Variants in TMEM245 observed in about 807,000 individuals in gnomAD.
TMEM245 encodes protein CG-2.
Under a neutral mutation model 101.2 loss-of-function variants are expected in TMEM245, and 69 were observed. The observed-to-expected ratio is 0.68, with a 90% confidence interval of 0.56 to 0.83. TMEM245 has a LOEUF of 0.83. TMEM245 is among the 40% of genes least tolerant of loss of function. The pLI, the probability that TMEM245 is intolerant of heterozygous loss-of-function variation, is 0.00. For missense variants in TMEM245, 1,075 were observed against 1,092.8 expected (o/e 0.98, Z 0.23); for synonymous variants, 537 against 449.8 (o/e 1.19, Z -2.45).
intron 9 of TMEM245, among the ~76,000 whole-genome samples, chr9:109,073,072 G>T (rs1257077150): frequency 6.6e-6 from 1 of 152,178 alleles, no homozygotes; most frequent in Non-Finnish European, 1.5e-5. Flanking sequence ...AGGAACAAAT[G>T]ACATAAGACA....
intron 1 of TMEM245, among the ~76,000 whole-genome samples, chr9:109,116,845 A>G (rs1230198066): frequency 2.6e-5 from 4 of 152,008 alleles, no homozygotes; most frequent in African/African-American, 9.7e-5. Context: ...GCACTTTTGG[A>G]TAAGAGCAAG....
intron 3 of TMEM245, among the ~76,000 whole-genome samples, chr9:109,104,700 T>C (rs945849493): frequency 6.6e-6 from 1 of 152,058 alleles, no homozygotes; most frequent in South Asian, 2.1e-4. Context: ...TATAGATCAG[T>C]GAAACACAAC....
chr9:109,078,672 T>C (rs1325546116), intron 8 of TMEM245, among the ~76,000 whole-genome samples: 1 of 152,238 alleles, frequency 6.6e-6, no homozygotes, highest in Non-Finnish European at 1.5e-5. Flanking sequence ...CCAGATTTTC[T>C]TTTTATCTTT....
intron 9 of TMEM245, among the ~76,000 whole-genome samples, chr9:109,067,086 C>G (rs1274574611): frequency 6.6e-6 from 1 of 150,508 alleles, no homozygotes; most frequent in Non-Finnish European, 1.5e-5. Flanking sequence ...TGTGAAGATT[C>G]ATAGAGGTAT....
intron 5 of TMEM245, among the ~76,000 whole-genome samples, chr9:109,088,552 G>A (rs576028826): frequency 2.0e-5 from 3 of 151,902 alleles, no homozygotes; most frequent in South Asian, 2.1e-4. Context: ...GAACAGGGCC[G>A]GGCACAGTGG....
At chr9:109,021,639 T>TAC (rs1419718328) in intron 17 of TMEM245, among the ~76,000 whole-genome samples, 2 of 152,128 alleles carry the variant, frequency 1.3e-5, no homozygotes, top group Admixed American at 1.3e-4. Flanking sequence ...CTCAGCCTCC[T>TAC]GAGTAGCTGG....
intron 5 of TMEM245, among the ~76,000 whole-genome samples, chr9:109,089,642 G>GT (rs1401208623): frequency 6.6e-6 from 1 of 152,116 alleles, no homozygotes; most frequent in East Asian, 1.9e-4. Context: ...AAAATATTAG[G>GT]TAAAAGATGT....
chr9:109,077,820 C>CT (rs545800599), intron 8 of TMEM245, among the ~76,000 whole-genome samples: 81 of 152,256 alleles, frequency 5.3e-4, no homozygotes, highest in Middle Eastern at 3.4e-3. Flanking sequence ...TAAAGTGTGT[C>CT]TCTAACATAC....
intron 9 of TMEM245, among the ~76,000 whole-genome samples, chr9:109,072,296 T>C (rs767029646): frequency 6.6e-6 from 1 of 152,184 alleles, no homozygotes; most frequent in Non-Finnish European, 1.5e-5. Context: ...AGGCTCCTAG[T>C]TAAGCCCGCT....
In TMEM245 at chr9:109,119,546, G is replaced by A. The variant is rs1474548342; in HGVS notation, c.368C>T (p.Ala123Val). The change falls in exon 1 of 18, where the codon GCG becomes GTG. Residue 123 changes from alanine (A) to valine (V), a missense_variant. By Grantham distance (64) the Ala-to-Val change is moderately conservative (BLOSUM62 0). Coordinates refer to ENST00000374586, the MANE Select transcript of TMEM245 (RefSeq NM_032012.4). The stretch of plus-strand genomic sequence containing the variant: ...GACGAAGCAGAGCGGCAGGAGCAGC[G>A]CGGCCAGGACGATGGGCGTGTGCGC... ...HRAHTPIVLAALLLPLCFVDY... is the reference protein window; with the variant it reads ...HRAHTPIVLAVLLLPLCFVDY... The A allele has an allele frequency of 6.5e-7, 1 of 1,532,278 alleles. No homozygotes were observed. Among genetic ancestry groups the A allele is most frequent in the Non-Finnish European group, 8.7e-7 (1 of 1,144,826 alleles). The allele number at this position is 1,532,278 out of a possible 1,614,324, so 94.9% of individuals were successfully genotyped here.
At chr9:109,049,688 G>A (rs1249597385) in intron 14 of TMEM245, among the ~76,000 whole-genome samples, 1 of 152,122 alleles carries the variant, frequency 6.6e-6, no homozygotes, top group Non-Finnish European at 1.5e-5. Context: ...TTAACTGGGT[G>A]TGGTGGTGCA....
At chr9:109,052,888 C>A (rs7875595) in intron 12 of TMEM245, among the ~76,000 whole-genome samples, 2,490 of 151,984 alleles carry the variant, frequency 0.016, 73 homozygotes, top group African/African-American at 0.057. Flanking sequence ...TAACTAAATA[C>A]ACTAATTTTA....
chr9:109,066,069 G>A (rs1295647593), intron 9 of TMEM245, among the ~76,000 whole-genome samples: 1 of 152,220 alleles, frequency 6.6e-6, no homozygotes, highest in Non-Finnish European at 1.5e-5. Flanking sequence ...TAAACCAGTA[G>A]TGGGTTGAAT....
chr9:109,054,852 C>T (rs2132408805), intron 12 of TMEM245, among the ~76,000 whole-genome samples: 2 of 152,278 alleles, frequency 1.3e-5, no homozygotes, highest in South Asian at 4.1e-4. Flanking sequence ...GGCAACTATA[C>T]TACTTTTGCA....
intron 3 of TMEM245, among the ~76,000 whole-genome samples, chr9:109,100,856 G>A (rs1042892539): frequency 1.3e-5 from 2 of 152,216 alleles, no homozygotes; most frequent in African/African-American, 4.8e-5. Context: ...GCTCATGACA[G>A]GCACTTAAAT....
At chr9:109,092,093 G>T (rs1325154359) in intron 4 of TMEM245, among the ~76,000 whole-genome samples, 1 of 152,150 alleles carries the variant, frequency 6.6e-6, no homozygotes, top group African/African-American at 2.4e-5. Flanking sequence ...TTACATAGTT[G>T]TAGCATGTTC....
chr9:109,060,503 A>T (rs1828980848), intron 10 of TMEM245, 51 bp from the exon 11 acceptor site: 12 of 1,294,002 alleles, frequency 9.3e-6, no homozygotes, highest in Non-Finnish European at 1.3e-5. Context: ...GCAACAACAG[A>T]GTAAAATTAA....
chr9:109,083,901 C>CAAAAAAAAAAAAAAAA lies in TMEM245; in HGVS notation c.1344+2080_1344+2095dup, dbSNP rs751739620. On this transcript the variant is annotated intron_variant, in intron 7 of 17. Transcript: ENST00000374586. ...CAAAACCCCATCTCTACTAAAAATA[C>CAAAAAAAAAAAAAAAA]AAAAAAAAAAAAAAAAAAAAAAAAA... Among the ~76,000 whole-genome samples the CAAAAAAAAAAAAAAAA allele has an allele frequency of 3.1e-3, 106 of 34,466 alleles. 28 individuals are homozygous for CAAAAAAAAAAAAAAAA. Among genetic ancestry groups the CAAAAAAAAAAAAAAAA allele is most frequent in the African/African-American group, 4.4e-3 (39 of 8,958 alleles). The allele number at this position is 34,466 out of a possible 152,430, so 22.6% of individuals were successfully genotyped here. A position where few individuals can be genotyped will look rare whatever the true frequency, so the allele number is the denominator to read the frequency against.
intron 3 of TMEM245, among the ~76,000 whole-genome samples, chr9:109,094,793 A>G (rs566891395): frequency 3.1e-4 from 47 of 152,320 alleles, no homozygotes; most frequent in African/African-American, 1.1e-3. Context: ...ACCAAATCAT[A>G]CACCCACACT....
Sources: gnomAD v4.1 joint callset for allele counts (sites outside exome capture counted in the v4.1 genomes callset) on GRCh38, gnomAD v4.1.1 for gene constraint, MANE v1.5 for transcripts, NCBI Gene and HGNC (gene_info 2026-07-23, HGNC 2026-07-21) for gene names.